FN1: variants seen among roughly 807,000 people sequenced by gnomAD.
The protein encoded by FN1 is fibronectin.
In FN1, 106 loss-of-function variants were observed where a neutral mutation model predicts 297.3. That is an observed-to-expected ratio of 0.36 (90% confidence interval 0.30 to 0.42). The LOEUF (loss-of-function observed/expected upper bound fraction) is 0.42, where lower values mean the gene tolerates loss of function less well. Ranked by LOEUF, FN1 falls within the 10% of genes least tolerant of loss-of-function variation. The pLI is 1.00. For missense variants in FN1, 2,690 were observed against 3,124.9 expected (o/e 0.86, Z 3.32); for synonymous variants, 1,149 against 1,152.6 (o/e 1.00, Z 0.06).
chr2:215,433,600 A>G lies in FN1; in HGVS notation c.278-139T>C, dbSNP rs2066914572. 8.0e-6 allele frequency: 7 copies of G among 878,802 alleles called. No homozygotes were observed. The East Asian group carries it at 1.6e-4, about 20-fold the overall frequency. The allele number at this position is 878,802 out of a possible 1,614,324, so 54.4% of individuals were successfully genotyped here. A position where few individuals can be genotyped will look rare whatever the true frequency, so the allele number is the denominator to read the frequency against. ...CTCAAAGAATAAAATGAAGTGAGAGATACAGATTTTTATCCTAAGCTCTAA... is the reference window on the plus strand; with the variant it reads ...CTCAAAGAATAAAATGAAGTGAGAGGTACAGATTTTTATCCTAAGCTCTAA... On this transcript the variant is annotated intron_variant, in intron 2 of 45. Coordinates refer to ENST00000354785, the MANE Select transcript of FN1 (RefSeq NM_212482.4).
intron 38 of FN1, 146 bp from the exon 39 acceptor site, chr2:215,373,557 T>C (rs1160907801): frequency 4.3e-6 from 3 of 700,182 alleles, no homozygotes; most frequent in Non-Finnish European, 8.0e-6. Context: ...ACTTCACTTT[T>C]CCTCCATAAA....
chr2:215,380,597 C>G (rs187854815), intron 33 of FN1: 118 of 637,962 alleles, frequency 1.8e-4, no homozygotes, highest in African/African-American at 1.4e-3. Flanking sequence ...TGTGTATAAG[C>G]CAGGATACTC....
intron 10 of FN1, 130 bp from the exon 11 acceptor site, chr2:215,420,931 C>G (rs2064221585): frequency 5.4e-6 from 5 of 920,900 alleles, no homozygotes; most frequent in Non-Finnish European, 8.6e-6. Context: ...AATAACTTTT[C>G]TACAAGCATA....
At chr2:215,402,413 A>G (rs1290444413) in intron 20 of FN1, among the ~76,000 whole-genome samples, 1 of 152,192 alleles carries the variant, frequency 6.6e-6, no homozygotes. Flanking sequence ...ACTAAGCTGA[A>G]TTTTCCCCAG....
chr2:215,384,434 T>C, intron 29 of FN1: 1 of 523,820 alleles, frequency 1.9e-6, no homozygotes, highest in Non-Finnish European at 3.4e-6. Context: ...CACTGAGTAG[T>C]AGAGTAGCAT....
rs922703407 is a variant in FN1, at chr2:215,376,571, A to G, written c.5814T>C (p.Asp1938=). 1 of 1,613,912 alleles carries G rather than the reference A, an allele frequency of 6.2e-7. No individual in the cohort carries two copies. The change falls in exon 36 of 46, where the codon GAT becomes GAC. Residue 1938 remains aspartate, a synonymous_variant. Coordinates refer to ENST00000354785, the MANE Select transcript of FN1 (RefSeq NM_212482.4). The part of the protein sequence containing the change: ...KTETITGFQV[D]AVPANGQTPI... The stretch of plus-strand genomic sequence containing the variant: ...GAGTCTGGCCATTGGCTGGAACGGC[A>G]TCAACTTGGAAGCCAGTGATCGTCT...
At chr2:215,398,289 T>G (rs188087701) in intron 21 of FN1, among the ~76,000 whole-genome samples, 5 of 152,250 alleles carry the variant, frequency 3.3e-5, no homozygotes, top group Non-Finnish European at 5.9e-5. Flanking sequence ...AGCAACTGTA[T>G]TGCAAAAACA....
chr2:215,378,199 G>C lies in FN1; in HGVS notation c.5686C>G (p.Gln1896Glu). 5 of 1,609,534 alleles carry C rather than the reference G, an allele frequency of 3.1e-6. No homozygotes were observed. Among genetic ancestry groups the C allele is most frequent in the Non-Finnish European group, 4.3e-6 (5 of 1,176,188 alleles). The stretch of plus-strand genomic sequence containing the variant: ...CTCTCCAGAGTGGTGACAACTCCCT[G>C]AGCTGGTCTGCTTGTCAAAGTGTCC... Reference protein sequence around the residue: ...LKDTLTSRPAQGVVTTLENVS... With the variant: ...LKDTLTSRPAEGVVTTLENVS... Residue 1896 changes from glutamine to glutamate, a missense_variant, in exon 35 of 46, where the codon CAG becomes GAG. Transcript: ENST00000354785.
chr2:215,392,007 T>G, intron 25 of FN1, 193 bp from the exon 26 acceptor site: 1 of 588,022 alleles, frequency 1.7e-6, no homozygotes, highest in Non-Finnish European at 3.0e-6. Flanking sequence ...ACAGTACTGT[T>G]AGGCCCCCTT....
At chr2:215,406,615 A>C in intron 18 of FN1, 105 bp from the exon 19 acceptor site, 1 of 1,225,838 alleles carries the variant, frequency 8.2e-7, no homozygotes, top group Non-Finnish European at 1.2e-6. Flanking sequence ...CTCTCATTCG[A>C]GAGTTTTGCT....
Position 215,370,547 on chromosome 2 carries a change from CAAAAAACA to C in FN1, c.6715-123_6715-116del. 105 of 295,820 alleles carry C rather than the reference CAAAAAACA, an allele frequency of 3.5e-4. No individual in the cohort carries two copies. In the South Asian group the frequency reaches 4.3e-3, roughly 12 times the overall value. The allele number at this position is 295,820 out of a possible 1,614,324, so 18.3% of individuals were successfully genotyped here. A position where few individuals can be genotyped will look rare whatever the true frequency, so the allele number is the denominator to read the frequency against. ...AAACAAAGCAAAGGAAGACAAAAAA[CAAAAAACA>C]AAAAAAAAAAAAAGAGGGAGGGTAT... On this transcript the variant is annotated intron_variant, in intron 40 of 45. Coordinates refer to ENST00000354785, the MANE Select transcript of FN1 (RefSeq NM_212482.4).
Position 215,381,001 on chromosome 2 carries a change from C to A in FN1, c.5244G>T (p.Gly1748=). Residue 1748 remains glycine (G), a synonymous_variant, in exon 33 of 46, where the codon GGG becomes GGT. Transcript: ENST00000354785. ...AGGTCACCCTGTACCTGGAAACTTG[C>A]CCCTGTGGGCTTTCCCAAGCAATTT... ...SIKIAWESPQ[G]QVSRYRVTYS... The A allele has an allele frequency of 6.2e-7, 1 of 1,614,232 alleles. No homozygotes were observed. Among genetic ancestry groups the A allele is most frequent in the South Asian group, 1.1e-5 (1 of 91,090 alleles).
At chr2:215,411,528 G>T (rs1288544706) in intron 13 of FN1, among the ~76,000 whole-genome samples, 2 of 152,050 alleles carry the variant, frequency 1.3e-5, no homozygotes, top group East Asian at 3.8e-4. Flanking sequence ...AGCTTGTTTG[G>T]TTAGTTATTA....
chr2:215,423,180 T>TCACACACACACA lies in FN1; in HGVS notation c.1393+158_1393+169dup, dbSNP rs9288509. ...CAATCCTTATGTATATGATGTAACA[T>TCACACACACACA]CACACACACACACACACACACACAC... On this transcript the variant is annotated intron_variant, in intron 9 of 45. Transcript: ENST00000354785. Among the ~76,000 whole-genome samples, 495 of 148,862 alleles carry TCACACACACACA rather than the reference T, an allele frequency of 3.3e-3. 6 individuals are homozygous for TCACACACACACA. The highest frequency in any genetic ancestry group is 0.011 in the African/African-American group (448 of 40,472).
intron 19 of FN1, among the ~76,000 whole-genome samples, chr2:215,405,348 T>C (rs1299285008): frequency 2.0e-5 from 3 of 152,352 alleles, no homozygotes; most frequent in Non-Finnish European, 4.4e-5. Context: ...GCTTCGGACA[T>C]AGGTTATAGA....
chr2:215,382,525 G>A (rs1270522701), intron 31 of FN1, among the ~76,000 whole-genome samples, 200 bp from the exon 32 acceptor site: 1 of 152,170 alleles, frequency 6.6e-6, no homozygotes, highest in Non-Finnish European at 1.5e-5. Flanking sequence ...ATATGGGAGT[G>A]AAGTCACACT....
intron 29 of FN1, 122 bp from the exon 30 acceptor site, chr2:215,384,306 A>C: frequency 1.0e-6 from 1 of 966,058 alleles, no homozygotes; most frequent in Non-Finnish European, 1.6e-6. Context: ...ATTCCCTTTT[A>C]AAGAGCGCTA....
chr2:215,378,092 G>GGCACTGAACC (rs1254924225), intron 35 of FN1, 83 bp downstream of exon 35: 2 of 892,390 alleles, frequency 2.2e-6, no homozygotes, highest in Admixed American at 1.7e-5. Context: ...TTAGACATGA[G>GGCACTGAACC]CCACTGAACC....
intron 7 of FN1, 148 bp from the exon 8 acceptor site, chr2:215,424,473 C>G (rs2064986863): frequency 1.5e-6 from 1 of 669,936 alleles, no homozygotes; most frequent in Admixed American, 2.7e-5. Flanking sequence ...TAATTTCAGT[C>G]AAAATGCATT....
Sources: gnomAD v4.1 joint callset for allele counts (sites outside exome capture counted in the v4.1 genomes callset) on GRCh38, gnomAD v4.1.1 for gene constraint, MANE v1.5 for transcripts, NCBI Gene and HGNC (gene_info 2026-07-23, HGNC 2026-07-21) for gene names.